The following PTCH1 variants were observed in gnomAD, a reference collection of about 807,000 sequenced individuals.
PTCH1 encodes the protein patched 1.
Under a neutral mutation model 144.6 loss-of-function variants are expected in PTCH1, and 14 were observed. The observed-to-expected ratio is 0.10, with a 90% CI of 0.06 to 0.15. The LOEUF (loss-of-function observed/expected upper bound fraction) is 0.15, where lower values mean the gene tolerates loss of function less well. Among genes scored for constraint, PTCH1 ranks in the 10% least tolerant of loss-of-function variants. The probability of loss-of-function intolerance (pLI) is 1.00; values close to 1 mark genes in which losing one functional copy is unlikely to be tolerated. For synonymous variants in PTCH1, 833 were observed against 793.6 expected (o/e 1.05, Z -0.83); for missense variants, 1,623 against 1,948.3 (o/e 0.83, Z 3.14).
Position 95,493,306 on chromosome 9 carries a change from G to C in PTCH1, c.395-7432C>G, listed in dbSNP as rs147391678. ...AAACCTTTTAGCAAAAGCTTATTGT[G>C]ATCCACATAAAGATGATCTGAGGGA... On this transcript the variant is annotated intron_variant, in intron 2 of 23. Coordinates refer to ENST00000331920, the MANE Select transcript of PTCH1 (RefSeq NM_000264.5). Among the ~76,000 whole-genome samples, 3 of 152,310 alleles carry C rather than the reference G, an allele frequency of 2.0e-5. No homozygotes were observed. In the East Asian group the frequency reaches 5.8e-4, roughly 29 times the overall value.
At chr9:95,491,770 C>A (rs1173953028) in intron 2 of PTCH1, among the ~76,000 whole-genome samples, 1 of 152,152 alleles carries the variant, frequency 6.6e-6, no homozygotes, top group Non-Finnish European at 1.5e-5. Flanking sequence ...CTCAAATGCT[C>A]CAAAACCTTC....
intron 14 of PTCH1, among the ~76,000 whole-genome samples, chr9:95,468,360 G>C (rs1840225628): frequency 6.6e-6 from 1 of 152,130 alleles, no homozygotes; most frequent in African/African-American, 2.4e-5. Context: ...CCTGTCCCTG[G>C]CTAATTTTTA....
chr9:95,481,826 A>G, intron 5 of PTCH1, 123 bp downstream of exon 5: 1 of 952,182 alleles, frequency 1.1e-6, no homozygotes, highest in Non-Finnish European at 1.7e-6. Context: ...AAAAATGCAC[A>G]TGGAATTTCA....
chr9:95,465,357 CTT>C (rs1264863672), intron 15 of PTCH1, among the ~76,000 whole-genome samples: 1 of 152,158 alleles, frequency 6.6e-6, no homozygotes, highest in East Asian at 1.9e-4. Context: ...ATTTATATGT[CTT>C]TGGTCAATGG....
At chr9:95,454,142 G>A (rs1249846890) in intron 19 of PTCH1, among the ~76,000 whole-genome samples, 1 of 152,222 alleles carries the variant, frequency 6.6e-6, no homozygotes, top group Non-Finnish European at 1.5e-5. Context: ...GAAATACACA[G>A]GACCGTACAT....
At chr9:95,499,979 CGAGTG>C (rs1752937960) in intron 2 of PTCH1, among the ~76,000 whole-genome samples, 2 of 151,910 alleles carry the variant, frequency 1.3e-5, no homozygotes, top group Non-Finnish European at 2.9e-5. Context: ...TCAGCTTGCC[CGAGTG>C]GACAGAGCCC....
rs775058148 is a variant in PTCH1 at position 95,476,203 on chromosome 9, G to A, written c.1603-44C>T. On this transcript the variant is annotated intron_variant, in intron 11 of 23. Transcript: ENST00000331920. The surrounding 1 kb of genome is among the most constrained non-coding windows in gnomAD (Gnocchi z 4.6). ...AGCGCTGAGAGCTGCACTGGACATG[G>A]TCCCCTTGGAGCACAGACTGTGTGA... 4 of 1,594,810 alleles carry A rather than the reference G, an allele frequency of 2.5e-6. No homozygotes were observed. The East Asian group carries it at 9.1e-5, about 36-fold the overall frequency.
chr9:95,515,979 G>A (rs933776125), intron 1 of PTCH1, among the ~76,000 whole-genome samples: 3 of 151,914 alleles, frequency 2.0e-5, no homozygotes, highest in Admixed American at 6.5e-5. Flanking sequence ...GCTTCCGCGC[G>A]CGCGCTCTGA....
upstream of PTCH1, among the ~76,000 whole-genome samples, chr9:95,510,807 G>A (rs1425438461): frequency 6.6e-6 from 1 of 151,340 alleles, no homozygotes; most frequent in Non-Finnish European, 1.5e-5. Flanking sequence ...CAGGGAGAAG[G>A]CGGAGCTCCG....
In PTCH1 at chr9:95,444,255, A is replaced by G. The variant is rs954400534; in HGVS notation, c.*2138T>C. ...CTTTGCCAATGTGACTATTGGAGAAAGTTCTACACCATGCAGAAATCAGGG... is the reference window on the plus strand; with the variant it reads ...CTTTGCCAATGTGACTATTGGAGAAGGTTCTACACCATGCAGAAATCAGGG... On this transcript the variant is annotated 3_prime_UTR_variant, in exon 24 of 24. Coordinates refer to ENST00000331920, the MANE Select transcript of PTCH1 (RefSeq NM_000264.5). 6 of 142,630 alleles carry G rather than the reference A, an allele frequency of 4.2e-5. No homozygotes were observed. The highest frequency in any genetic ancestry group is 9.2e-5 in the Non-Finnish European group (6 of 65,064). 8.8% of individuals were successfully genotyped at this position (142,630 alleles called of 1,614,324 possible). A position where few individuals can be genotyped will look rare whatever the true frequency, so the allele number is the denominator to read the frequency against.
At chr9:95,472,411 G>A (rs1310453496) in intron 12 of PTCH1, among the ~76,000 whole-genome samples, 2 of 152,160 alleles carry the variant, frequency 1.3e-5, no homozygotes, top group South Asian at 2.1e-4. Flanking sequence ...GTCTGTGGAC[G>A]GGGTTAGGAC....
chr9:95,461,823 G>A, intron 16 of PTCH1, 33 bp downstream of exon 16: 1 of 1,613,438 alleles, frequency 6.2e-7, no homozygotes, highest in Non-Finnish European at 8.5e-7. Context: ...CCGCAGCCCT[G>A]GAAGCGCCCT....
intron 15 of PTCH1, among the ~76,000 whole-genome samples, chr9:95,464,657 A>G (rs1025422691): frequency 2.0e-5 from 3 of 152,168 alleles, no homozygotes; most frequent in African/African-American, 7.2e-5. Context: ...GACATGTGGG[A>G]TAGTTTTGAA....
At chr9:95,490,537 AC>A in intron 2 of PTCH1, among the ~76,000 whole-genome samples, 1 of 151,732 alleles carries the variant, frequency 6.6e-6, no homozygotes, top group Non-Finnish European at 1.5e-5. Context: ...ACACACACAC[AC>A]ACACACACAC....
intron 22 of PTCH1, among the ~76,000 whole-genome samples, chr9:95,448,381 C>T (rs1289673172): frequency 6.6e-6 from 1 of 152,142 alleles, no homozygotes; most frequent in Non-Finnish European, 1.5e-5. Flanking sequence ...CAGAACCTTC[C>T]TTGAGTTTTC....
At chr9:95,501,603 T>C (rs893564893) in intron 2 of PTCH1, among the ~76,000 whole-genome samples, 7 of 150,864 alleles carry the variant, frequency 4.6e-5, no homozygotes, top group Admixed American at 6.6e-5. Flanking sequence ...CCTGCAGCAA[T>C]GTTAACATCC....
chr9:95,512,411 TTTTTTCATAC>T (rs1844201483), upstream of PTCH1, among the ~76,000 whole-genome samples: 1 of 131,316 alleles, frequency 7.6e-6, no homozygotes, highest in Admixed American at 8.5e-5. Flanking sequence ...TGTGGTCTGC[TTTTTTCATAC>T]TTAGAGATGA....
Position 95,476,678 on chromosome 9 carries a change from G to A in PTCH1, c.1602+81C>T. ...ACTGAAATCTTTACTGGGTCAGACT[G>A]AGGAAAATTAAAGGACAAATACTTA... On this transcript the variant is annotated intron_variant, in intron 11 of 23. Transcript: ENST00000331920. This position sits in a 1 kb window ranked among gnomAD's most constrained non-coding sequence, Gnocchi z 4.6. The A allele has an allele frequency of 3.7e-6, 5 of 1,362,234 alleles. No homozygotes were observed. Among genetic ancestry groups the A allele is most frequent in the Non-Finnish European group, 5.1e-6 (5 of 971,648 alleles). The allele number at this position is 1,362,234 out of a possible 1,614,324, so 84.4% of individuals were successfully genotyped here.
intron 1 of PTCH1, 105 bp downstream of exon 1, chr9:95,508,056 T>G: frequency 1.3e-6 from 2 of 1,552,616 alleles, no homozygotes; most frequent in Non-Finnish European, 1.7e-6. Context: ...TGTGTGTGTG[T>G]GTGAGAGAGA....
Sources: allele counts gnomAD v4.1 joint callset (sites outside exome capture counted in the v4.1 genomes callset), GRCh38; gene constraint gnomAD v4.1.1; non-coding constraint Gnocchi (gnomAD v3.1); transcripts MANE v1.5; gene names NCBI Gene and HGNC (gene_info 2026-07-23, HGNC 2026-07-21).